PPP6R2: variants seen among roughly 807,000 people sequenced by gnomAD.
PPP6R2 encodes protein phosphatase 6 regulatory subunit 2, also known as serine/threonine-protein phosphatase 6 regulatory subunit 2.
PPP6R2 carries 62 observed loss-of-function variants against 100.2 expected under a neutral mutation model. That is an observed-to-expected ratio of 0.62 (90% CI 0.50 to 0.76). The LOEUF is 0.76. Among genes scored for constraint, PPP6R2 ranks in the 30% least tolerant of loss-of-function variants. PPP6R2 has a pLI of 0.00. For synonymous variants in PPP6R2, 525 were observed against 514.7 expected (o/e 1.02, Z -0.27); for missense variants, 1,142 against 1,276.3 (o/e 0.89, Z 1.60).
chr22:50,409,624 C>G (rs1032414526), intron 4 of PPP6R2, among the ~76,000 whole-genome samples: 1 of 152,222 alleles, frequency 6.6e-6, no homozygotes, highest in Non-Finnish European at 1.5e-5. Flanking sequence ...GACAGGGTTT[C>G]ACCATGTTGG....
chr22:50,373,923 G>A (rs781573397), intron 2 of PPP6R2, among the ~76,000 whole-genome samples: 6 of 151,966 alleles, frequency 3.9e-5, no homozygotes, highest in African/African-American at 7.3e-5. Flanking sequence ...TAGTAGTGAC[G>A]GGGTTTCACC....
At position 50,423,817 on chromosome 22, in the gene PPP6R2, A is replaced by G. The variant is rs2061638691; in HGVS notation, c.1125+203A>G. On this transcript the variant is annotated intron_variant, in intron 10 of 23. Coordinates refer to ENST00000612753, the MANE Select transcript of PPP6R2 (RefSeq NM_001242898.2). This position sits in a 1 kb window ranked among gnomAD's most constrained non-coding sequence, Gnocchi z 4.8. ...TGGGGTGTGTCTCAGCTGCAGGCTCATGGGAAGTGACGAGTCTACCGTAGA... is the reference window on the plus strand; with the variant it reads ...TGGGGTGTGTCTCAGCTGCAGGCTCGTGGGAAGTGACGAGTCTACCGTAGA... 6.6e-6 allele frequency among the ~76,000 whole-genome samples: 1 copy of G among 152,230 alleles called. No individual in the cohort carries two copies. Among genetic ancestry groups the G allele is most frequent in the South Asian group, 2.1e-4 (1 of 4,834 alleles).
intron 13 of PPP6R2, among the ~76,000 whole-genome samples, chr22:50,435,544 G>A (rs947456796): frequency 6.6e-6 from 1 of 152,208 alleles, no homozygotes; most frequent in Admixed American, 6.5e-5. Context: ...TCTTAAGAAC[G>A]CAGTGGGTTA....
At chr22:50,335,238 T>TG in the PPP6R2 span, among the ~76,000 whole-genome samples, 6 of 135,174 alleles carry the variant, frequency 4.4e-5, no homozygotes, top group South Asian at 2.5e-4. Context: ...TTTTTTTTTT[T>TG]TTTTTTAGTA....
intron 1 of PPP6R2, among the ~76,000 whole-genome samples, chr22:50,350,441 G>C (rs577272250): frequency 6.7e-6 from 1 of 149,694 alleles, no homozygotes; most frequent in South Asian, 2.1e-4. Context: ...ATGTTGGCCA[G>C]GCTGGTCTCG....
intron 4 of PPP6R2, among the ~76,000 whole-genome samples, chr22:50,414,114 C>T (rs1019291570): frequency 2.0e-5 from 3 of 152,150 alleles, no homozygotes; most frequent in Non-Finnish European, 2.9e-5. Flanking sequence ...CAGCAGCTGG[C>T]GTCTTGTGCA....
chr22:50,334,435 A>G, the PPP6R2 span, among the ~76,000 whole-genome samples: 1 of 152,202 alleles, frequency 6.6e-6, no homozygotes, highest in East Asian at 1.9e-4. Flanking sequence ...GATTATTATA[A>G]TATTGGATTA....
intron 6 of PPP6R2, among the ~76,000 whole-genome samples, chr22:50,417,983 G>T: frequency 6.6e-6 from 1 of 152,196 alleles, no homozygotes; most frequent in East Asian, 1.9e-4. Flanking sequence ...GTCAGCAGGG[G>T]CACGTTCCCA....
chr22:50,416,520 G>T (rs1237787613), intron 6 of PPP6R2, among the ~76,000 whole-genome samples: 3 of 151,586 alleles, frequency 2.0e-5, no homozygotes, highest in Non-Finnish European at 2.9e-5. Context: ...AAATAGAGAT[G>T]AGGTCTCACT....
Position 50,431,869 on chromosome 22 carries a change from G to A in PPP6R2, c.1336-396G>A, listed in dbSNP as rs567643632. The stretch of plus-strand genomic sequence containing the variant: ...GATCTGTGTCAGGGCCTGGAGGTGA[G>A]AGAAAGTGCTGAGGGCAGACAGCCC... On this transcript the variant is annotated intron_variant, in intron 11 of 23. Transcript: ENST00000612753. The surrounding 1 kb of genome is among the most constrained non-coding windows in gnomAD (Gnocchi z 4.8). 1.2e-3 allele frequency among the ~76,000 whole-genome samples: 182 copies of A among 152,296 alleles called. No homozygotes were observed. The highest frequency in any genetic ancestry group is 1.7e-3 in the Non-Finnish European group (119 of 68,018).
chr22:50,442,728 A>G (rs935259927), intron 22 of PPP6R2, among the ~76,000 whole-genome samples: 1 of 151,576 alleles, frequency 6.6e-6, no homozygotes, highest in Non-Finnish European at 1.5e-5. Flanking sequence ...AATTTTTTGT[A>G]TTTTTAGTAG....
intron 2 of PPP6R2, among the ~76,000 whole-genome samples, chr22:50,386,768 G>A (rs11091006): frequency 0.087 from 13,244 of 152,114 alleles, 1,701 homozygotes; most frequent in African/African-American, 0.28. Flanking sequence ...ACTTCTACTC[G>A]CAACCCATTT....
At chr22:50,442,484 C>G (rs1487854282) in intron 22 of PPP6R2, among the ~76,000 whole-genome samples, 1 of 152,240 alleles carries the variant, frequency 6.6e-6, no homozygotes, top group Admixed American at 6.5e-5. Flanking sequence ...GCCAGAGCCC[C>G]TCGGGTTGAA....
chr22:50,419,830 G>T (rs1281086362), intron 8 of PPP6R2, among the ~76,000 whole-genome samples: 2 of 152,216 alleles, frequency 1.3e-5, no homozygotes, highest in Admixed American at 6.5e-5. Context: ...CTGATGCATG[G>T]TTACATATAC....
rs1255291529 is a variant in PPP6R2 at position 50,423,378 on chromosome 22, G to A, written c.973-84G>A. Reference sequence around the variant, plus strand: ...CTACCCCAGGCTGGGTCCCAGCCTAGAGTGATGGGCATGAGCCCAGAGACT... The same window carrying A: ...CTACCCCAGGCTGGGTCCCAGCCTAAAGTGATGGGCATGAGCCCAGAGACT... On this transcript the variant is annotated intron_variant, in intron 9 of 23. Transcript: ENST00000612753. The surrounding 1 kb of genome is among the most constrained non-coding windows in gnomAD (Gnocchi z 4.8). The A allele has an allele frequency of 6.4e-7, 1 of 1,560,866 alleles. No individual in the cohort carries two copies. Among genetic ancestry groups the A allele is most frequent in the Non-Finnish European group, 8.8e-7 (1 of 1,140,234 alleles).
chr22:50,357,881 T>C (rs1442322528), intron 1 of PPP6R2, among the ~76,000 whole-genome samples: 1 of 152,048 alleles, frequency 6.6e-6, no homozygotes, highest in Admixed American at 6.6e-5. Flanking sequence ...TCCTTGGCCT[T>C]CCAAAGTGCC....
At chr22:50,421,158 GTAGTGTTA>G (rs2061284168) in intron 8 of PPP6R2, among the ~76,000 whole-genome samples, 1 of 152,140 alleles carries the variant, frequency 6.6e-6, no homozygotes, top group Non-Finnish European at 1.5e-5. Flanking sequence ...TTAACCAGAA[GTAGTGTTA>G]TAATGTTACC....
intron 1 of PPP6R2, among the ~76,000 whole-genome samples, chr22:50,369,169 C>T (rs1017478465): frequency 2.7e-5 from 4 of 150,740 alleles, no homozygotes; most frequent in African/African-American, 4.9e-5. Flanking sequence ...ACCTAGGAGG[C>T]GGAGGTTGTG....
At chr22:50,355,399 C>G (rs908921416) in intron 1 of PPP6R2, among the ~76,000 whole-genome samples, 2 of 151,112 alleles carry the variant, frequency 1.3e-5, no homozygotes, top group African/African-American at 4.9e-5. Context: ...CCACCACGCC[C>G]GGCTAATTTT....
Sources: allele counts gnomAD v4.1 joint callset (sites outside exome capture counted in the v4.1 genomes callset), GRCh38; gene constraint gnomAD v4.1.1; non-coding constraint Gnocchi (gnomAD v3.1); transcripts MANE v1.5; gene names NCBI Gene and HGNC (gene_info 2026-07-23, HGNC 2026-07-21).